MTHFD1: variants seen among roughly 807,000 people sequenced by gnomAD.
The protein encoded by MTHFD1 is C-1-tetrahydrofolate synthase, cytoplasmic.
Under a neutral mutation model 110.3 loss-of-function variants are expected in MTHFD1, and 44 were observed. The observed-to-expected ratio is 0.40, with a 90% CI of 0.31 to 0.51. The LOEUF is 0.51. Ranked by LOEUF, MTHFD1 falls within the 20% of genes least tolerant of loss-of-function variation. The probability of loss-of-function intolerance (pLI) is 0.60; values close to 1 mark genes in which losing one functional copy is unlikely to be tolerated. For missense variants in MTHFD1, 909 were observed against 1,173.1 expected, an observed-to-expected ratio of 0.77 and a Z score of 3.29; for synonymous variants, 402 against 428.8, an observed-to-expected ratio of 0.94 and a Z score of 0.77.
At chr14:64,458,860 C>T (rs1344845797) in intron 27 of MTHFD1, among the ~76,000 whole-genome samples, 4 of 152,122 alleles carry the variant, frequency 2.6e-5, no homozygotes, top group African/African-American at 7.2e-5. Flanking sequence ...TTCAACAGGA[C>T]GTGTCTCTCC....
intron 7 of MTHFD1, 113 bp downstream of exon 7, chr14:64,418,137 C>T (rs2078039675): frequency 2.2e-6 from 3 of 1,387,194 alleles, no homozygotes; most frequent in South Asian, 2.4e-5. Flanking sequence ...CTCATTTTTA[C>T]AAGATGAAAA....
At position 64,427,440 on chromosome 14, in the gene MTHFD1, C is replaced by T. The variant is rs2078126852; in HGVS notation, c.1231C>T (p.Gln411Ter). ...LYQNVFACVR[Q>*]PSQGPTFGIK... Reference sequence around the variant, plus strand: ...CCAGAATGTCTTTGCGTGTGTGCGACAGCCTTCTCAGGGCCCCACCTTTGG... The same window carrying T: ...CCAGAATGTCTTTGCGTGTGTGCGATAGCCTTCTCAGGGCCCCACCTTTGG... The change falls in exon 12 of 28, where the codon CAG becomes TAG. Residue 411 changes from glutamine to a stop codon, truncating the protein, a stop_gained. Transcript: ENST00000652337. LOFTEE classifies it high-confidence loss of function. 1 of 1,614,092 alleles carries T rather than the reference C, an allele frequency of 6.2e-7. No homozygotes were observed. Among genetic ancestry groups the T allele is most frequent in the Non-Finnish European group, 8.5e-7 (1 of 1,180,048 alleles).
intron 1 of MTHFD1, among the ~76,000 whole-genome samples, chr14:64,392,720 C>T (rs1017006920): frequency 3.9e-5 from 6 of 152,142 alleles, no homozygotes; most frequent in African/African-American, 1.4e-4. Context: ...GTAGTAATGT[C>T]ACCTAACTCA....
chr14:64,428,102 G>GTTTTTTTTT (rs11289659), intron 12 of MTHFD1, among the ~76,000 whole-genome samples: 1 of 74,686 alleles, frequency 1.3e-5, no homozygotes, highest in African/African-American at 5.0e-5. Context: ...AAGAACATGT[G>GTTTTTTTTT]TTTTTTTTTT....
intron 23 of MTHFD1, 151 bp downstream of exon 23, chr14:64,448,468 G>C: frequency 1.4e-6 from 1 of 697,066 alleles, no homozygotes; most frequent in Non-Finnish European, 2.6e-6. Flanking sequence ...CATTGCATAC[G>C]TCACTGCGGG....
At chr14:64,439,310 A>T in intron 17 of MTHFD1, 138 bp downstream of exon 17, 1 of 732,024 alleles carries the variant, frequency 1.4e-6, no homozygotes, top group Non-Finnish European at 2.5e-6. Flanking sequence ...GGAAGTGAGT[A>T]GGTGTGTGGC....
At position 64,410,989 on chromosome 14, in the gene MTHFD1, C is replaced by G. The variant is rs528618090; in HGVS notation, c.127-101C>G. The stretch of plus-strand genomic sequence containing the variant: ...TAAAAGTTCTCTGCAACAAGAGTCG[C>G]ATGATTAAACATTTCTTTTATTAAA... On this transcript the variant is annotated intron_variant, in intron 2 of 27. Coordinates refer to ENST00000652337, the MANE Select transcript of MTHFD1 (RefSeq NM_005956.4). 5 of 842,796 alleles carry G rather than the reference C, an allele frequency of 5.9e-6. No homozygotes were observed. The East Asian group carries it at 1.3e-4, about 21-fold the overall frequency. The allele number at this position is 842,796 out of a possible 1,614,324, so 52.2% of individuals were successfully genotyped here.
At position 64,426,850 on chromosome 14, in the gene MTHFD1, T is replaced by C. The variant is rs76568265; in HGVS notation, c.1128-487T>C. Among the ~76,000 whole-genome samples the C allele has an allele frequency of 7.2e-3, 1,093 of 152,314 alleles. 4 individuals are homozygous for C. Among genetic ancestry groups the C allele is most frequent in the African/African-American group, 0.025 (1,051 of 41,558 alleles). ...TTTTTATTGCTGGGCTGAGGTTATA[T>C]TAAAAAGCTAGTTTTTGAGAATATA... On this transcript the variant is annotated intron_variant, in intron 11 of 27. Coordinates refer to ENST00000652337, the MANE Select transcript of MTHFD1 (RefSeq NM_005956.4).
rs1236752433 is a variant in MTHFD1, at chr14:64,427,426, T to G, written c.1217T>G (p.Phe406Cys). 3 of 1,614,224 alleles carry G rather than the reference T, an allele frequency of 1.9e-6. No individual in the cohort carries two copies. In the African/African-American group the frequency reaches 4.0e-5, roughly 22 times the overall value. ...GGTGCCCATCTCTACCAGAATGTCT[T>G]TGCGTGTGTGCGACAGCCTTCTCAG... ...ALGAHLYQNVFACVRQPSQGP... is the reference protein window; with the variant it reads ...ALGAHLYQNVCACVRQPSQGP... The change falls in exon 12 of 28, where the codon TTT (phenylalanine) becomes TGT (cysteine). Residue 406 changes from phenylalanine (F) to cysteine (C), a missense_variant. Phe to Cys is a radical substitution (Grantham distance 205). This residue lies in a region of MTHFD1 where 424 missense variants were observed against 510.4 expected (regional missense o/e 0.83). Transcript: ENST00000652337.
At chr14:64,443,461 A>G (rs1272940111) in intron 21 of MTHFD1, among the ~76,000 whole-genome samples, 1 of 152,198 alleles carries the variant, frequency 6.6e-6, no homozygotes, top group Admixed American at 6.5e-5. Context: ...CCTTTGGAAA[A>G]GTCCATTATA....
At chr14:64,450,386 G>C (rs1462317166) in intron 24 of MTHFD1, among the ~76,000 whole-genome samples, 2 of 152,116 alleles carry the variant, frequency 1.3e-5, no homozygotes, top group Admixed American at 6.5e-5. Flanking sequence ...TCCTGGTAAG[G>C]TGCTGCCTCA....
In MTHFD1 at chr14:64,400,982, A is replaced by C. The variant is rs1041211321; in HGVS notation, c.126+105A>C. The C allele has an allele frequency of 6.1e-6, 5 of 821,602 alleles. No homozygotes were observed. The African/African-American group carries it at 8.5e-5, about 14-fold the overall frequency. The allele number at this position is 821,602 out of a possible 1,614,324, so 50.9% of individuals were successfully genotyped here. ...CTCCTTTTTTTTTGGCTGTTGTGTA[A>C]TCTCATGCCTTTTCAGTCTCTCTTG... On this transcript the variant is annotated intron_variant, in intron 2 of 27. Coordinates refer to ENST00000652337, the MANE Select transcript of MTHFD1 (RefSeq NM_005956.4).
intron 21 of MTHFD1, among the ~76,000 whole-genome samples, chr14:64,444,084 G>A (rs2078269857): frequency 1.3e-5 from 2 of 151,284 alleles, no homozygotes; most frequent in South Asian, 2.1e-4. Context: ...CAGCAGGGCT[G>A]AGCCACGGCA....
intron 1 of MTHFD1, among the ~76,000 whole-genome samples, chr14:64,394,582 G>A (rs532624485): frequency 1.2e-4 from 18 of 151,970 alleles, no homozygotes; most frequent in East Asian, 1.9e-4. Flanking sequence ...AAGCCTGGAC[G>A]GGAGACGTAC....
intron 15 of MTHFD1, among the ~76,000 whole-genome samples, chr14:64,434,050 T>C (rs753638921): frequency 1.3e-5 from 2 of 152,098 alleles, no homozygotes; most frequent in Non-Finnish European, 2.9e-5. Flanking sequence ...GTTTGTGTTT[T>C]ACAACACTTC....
At chr14:64,449,885 T>A (rs1250495873) in intron 24 of MTHFD1, among the ~76,000 whole-genome samples, 1 of 152,210 alleles carries the variant, frequency 6.6e-6, no homozygotes, top group Non-Finnish European at 1.5e-5. Context: ...GCCTCCTGGG[T>A]TCAAGTGATT....
At chr14:64,458,960 A>G (rs1379864753) in intron 27 of MTHFD1, among the ~76,000 whole-genome samples, 1 of 152,252 alleles carries the variant, frequency 6.6e-6, no homozygotes, top group Non-Finnish European at 1.5e-5. Flanking sequence ...AATATCAAAC[A>G]TGAAAATCCT....
intron 22 of MTHFD1, among the ~76,000 whole-genome samples, chr14:64,447,149 C>CTTTTTTT (rs35824559): frequency 2.7e-4 from 15 of 56,232 alleles, no homozygotes; most frequent in Non-Finnish European, 3.9e-4. Flanking sequence ...CAGCTCAGTT[C>CTTTTTTT]TTTTTTTTTT....
At chr14:64,459,566 A>T (rs2078529107) in intron 27 of MTHFD1, among the ~76,000 whole-genome samples, 193 bp from the exon 28 acceptor site, 1 of 152,218 alleles carries the variant, frequency 6.6e-6, no homozygotes. Flanking sequence ...CAGTATTCAC[A>T]CAGTACTATG....
Sources: allele counts gnomAD v4.1 joint callset (sites outside exome capture counted in the v4.1 genomes callset), GRCh38; gene constraint gnomAD v4.1.1; regional missense constraint gnomAD v4.1.1; transcripts MANE v1.5; gene names NCBI Gene and HGNC (gene_info 2026-07-23, HGNC 2026-07-21).